OR2L5: variants seen among roughly 807,000 people sequenced by gnomAD.
OR2L5 encodes olfactory receptor 2L5.
For missense variants in OR2L5, 413 were observed against 381.6 expected (o/e 1.08, Z -0.69); for synonymous variants, 169 against 142.0 (o/e 1.19, Z -1.35).
At position 248,023,094 on chromosome 1, in the gene OR2L5, T is replaced by C. The variant is rs1405578179; in HGVS notation, c.*208T>C. 6 of 462,834 alleles carry C rather than the reference T, an allele frequency of 1.3e-5. No individual in the cohort carries two copies. Among genetic ancestry groups the C allele is most frequent in the Non-Finnish European group, 2.3e-5 (6 of 265,188 alleles). The allele number at this position is 462,834 out of a possible 1,614,324, so 28.7% of individuals were successfully genotyped here. ...GTGTTTCTTTTTATCAAAAGACAGA[T>C]CATATATTTTACACTAAATTGTAAG... On this transcript the variant is annotated 3_prime_UTR_variant, in exon 2 of 2. Coordinates refer to ENST00000355281, the MANE Select transcript of OR2L5 (RefSeq NM_001258284.2).
chr1:248,016,854 A>T (rs1199346934), intron 1 of OR2L5, among the ~76,000 whole-genome samples: 1 of 152,146 alleles, frequency 6.6e-6, no homozygotes, highest in African/African-American at 2.4e-5. Flanking sequence ...AAGTTCACTT[A>T]CAACCCCTGA....
chr1:248,021,400 A>G (rs1030308275), intron 1 of OR2L5, among the ~76,000 whole-genome samples: 1 of 152,200 alleles, frequency 6.6e-6, no homozygotes, highest in African/African-American at 2.4e-5. Flanking sequence ...CTATTCTATA[A>G]GTAGTCCCCT....
chr1:248,024,251 T>A lies in OR2L5; in HGVS notation c.*1365T>A, dbSNP rs193264502. ...GTAATGATAGCCATTAAAATCCCAA[T>A]GTAGAAAATTTTATATCTGATTTGA... On this transcript the variant is annotated 3_prime_UTR_variant, in exon 2 of 2. Transcript: ENST00000355281. 1 of 152,244 alleles carries A rather than the reference T, an allele frequency of 6.6e-6. No individual in the cohort carries two copies. The highest frequency in any genetic ancestry group is 1.9e-4 in the East Asian group (1 of 5,184). The allele number at this position is 152,244 out of a possible 1,614,324, so 9.4% of individuals were successfully genotyped here.
chr1:248,023,701 G>A lies in OR2L5; in HGVS notation c.*815G>A, dbSNP rs915145629. On this transcript the variant is annotated 3_prime_UTR_variant, in exon 2 of 2. Transcript: ENST00000355281. ...ACCTGCTTAGGCCTGTGCCTAGAAGGATCAACATTATTTTTATAAAAGTTG... is the reference window on the plus strand; with the variant it reads ...ACCTGCTTAGGCCTGTGCCTAGAAGAATCAACATTATTTTTATAAAAGTTG... 7 of 152,232 alleles carry A rather than the reference G, an allele frequency of 4.6e-5. No homozygotes were observed. In the South Asian group the frequency reaches 1.4e-3, roughly 32 times the overall value. 9.4% of individuals were successfully genotyped at this position (152,232 alleles called of 1,614,324 possible). A position where few individuals can be genotyped will look rare whatever the true frequency, so the allele number is the denominator to read the frequency against.
chr1:248,013,906 A>G (rs1662131802), intron 1 of OR2L5, among the ~76,000 whole-genome samples, 168 bp downstream of exon 1: 1 of 152,178 alleles, frequency 6.6e-6, no homozygotes, highest in African/African-American at 2.4e-5. Context: ...TAGAATACAG[A>G]CAACCAAAAG....
chr1:248,018,173 T>A (rs1243182332), intron 1 of OR2L5, among the ~76,000 whole-genome samples: 1 of 149,768 alleles, frequency 6.7e-6, no homozygotes, highest in African/African-American at 2.5e-5. Flanking sequence ...AAAAAAAAAT[T>A]CGTTATTTTT....
At position 248,022,702 on chromosome 1, in the gene OR2L5, C is replaced by A. The variant is rs751995675; in HGVS notation, c.755C>A (p.Ala252Glu). ...THLTVVTFYYAPFAYTYLCPR... is the reference protein window; with the variant it reads ...THLTVVTFYYEPFAYTYLCPR... ...CTCACTGTAGTAACTTTCTACTATG[C>A]ACCCTTTGCTTATACCTATCTATGT... Residue 252 changes from alanine to glutamate, a missense_variant, in exon 2 of 2, where the codon GCA becomes GAA. By Grantham distance (107) the Ala-to-Glu change is moderately radical (BLOSUM62 -1). Coordinates refer to ENST00000355281, the MANE Select transcript of OR2L5 (RefSeq NM_001258284.2). The A allele has an allele frequency of 6.8e-6, 11 of 1,614,142 alleles. No individual in the cohort carries two copies. Among genetic ancestry groups the A allele is most frequent in the Non-Finnish European group, 8.5e-6 (10 of 1,180,016 alleles).
rs766117581 is a variant in OR2L5 at position 248,023,065 on chromosome 1, G to T, written c.*179G>T. ...ATTCTAAGACATCTATTTTGTTTCT[G>T]TTTGTGTTTCTTTTTATCAAAAGAC... On this transcript the variant is annotated 3_prime_UTR_variant, in exon 2 of 2. Coordinates refer to ENST00000355281, the MANE Select transcript of OR2L5 (RefSeq NM_001258284.2). The T allele has an allele frequency of 5.4e-6, 3 of 556,322 alleles. No individual in the cohort carries two copies. The highest frequency in any genetic ancestry group is 1.9e-5 in the African/African-American group (1 of 52,712). The allele number at this position is 556,322 out of a possible 1,614,324, so 34.5% of individuals were successfully genotyped here. A position where few individuals can be genotyped will look rare whatever the true frequency, so the allele number is the denominator to read the frequency against.
Position 248,021,935 on chromosome 1 carries a change from G to C in OR2L5, c.-13G>C, listed in dbSNP as rs985161462. The C allele has an allele frequency of 5.6e-6, 9 of 1,599,362 alleles. No homozygotes were observed. The highest frequency in any genetic ancestry group is 4.5e-5 in the South Asian group (4 of 89,546). ...CTTGTGTCTCCCTTCAGGAAGGATC[G>C]TATGAATGCCCCATGGAAAATTACA... On this transcript the variant is annotated 5_prime_UTR_variant, in exon 2 of 2. Coordinates refer to ENST00000355281, the MANE Select transcript of OR2L5 (RefSeq NM_001258284.2).
In OR2L5 at chr1:248,022,704, C is replaced by G. The variant is rs1342462660; in HGVS notation, c.757C>G (p.Pro253Ala). ...HLTVVTFYYAPFAYTYLCPRS... is the reference protein window; with the variant it reads ...HLTVVTFYYAAFAYTYLCPRS... The stretch of plus-strand genomic sequence containing the variant: ...CACTGTAGTAACTTTCTACTATGCA[C>G]CCTTTGCTTATACCTATCTATGTCC... The change falls in exon 2 of 2, where the codon CCC becomes GCC. Residue 253 changes from proline to alanine, a missense_variant. Coordinates refer to ENST00000355281, the MANE Select transcript of OR2L5 (RefSeq NM_001258284.2). The G allele has an allele frequency of 6.2e-7, 1 of 1,614,104 alleles. No individual in the cohort carries two copies. Among genetic ancestry groups the G allele is most frequent in the South Asian group, 1.1e-5 (1 of 91,082 alleles).
Position 248,022,449 on chromosome 1 carries a change from T to C in OR2L5, c.502T>C (p.Cys168Arg), listed in dbSNP as rs540097703. 14 of 1,614,216 alleles carry C rather than the reference T, an allele frequency of 8.7e-6. No individual in the cohort carries two copies. The Admixed American group carries it at 1.7e-4, about 19-fold the overall frequency. Reference protein sequence around the residue: ...HTVYAFRIPYCKSRAINHFFC... With the variant: ...HTVYAFRIPYRKSRAINHFFC... ...AGTATATGCATTCCGTATCCCATAT[T>C]GCAAGTCCAGAGCCATCAATCATTT... Residue 168 changes from cysteine to arginine, a missense_variant, in exon 2 of 2, where the codon TGC becomes CGC. Coordinates refer to ENST00000355281, the MANE Select transcript of OR2L5 (RefSeq NM_001258284.2).
intron 1 of OR2L5, among the ~76,000 whole-genome samples, chr1:248,017,721 A>AG (rs1457635623): frequency 1.3e-5 from 2 of 152,226 alleles, no homozygotes; most frequent in African/African-American, 4.8e-5. Flanking sequence ...GCACCATCGC[A>AG]GGCAGAGCTG....
intron 1 of OR2L5, among the ~76,000 whole-genome samples, chr1:248,014,775 A>T (rs1049025653): frequency 1.3e-5 from 2 of 152,090 alleles, no homozygotes; most frequent in African/African-American, 4.8e-5. Context: ...GCTCCTAATA[A>T]CCCATGGATT....
rs1355511361 is a variant in OR2L5, at chr1:248,022,848, A to G, written c.901A>G (p.Thr301Ala). The G allele has an allele frequency of 6.8e-6, 11 of 1,611,950 alleles. No homozygotes were observed. Among genetic ancestry groups the G allele is most frequent in the East Asian group, 2.2e-5 (1 of 44,840 alleles). ...LRNKEVMGAL[T>A]RVIQNIFSVK... ...AAACAAGGAGGTGATGGGGGCCCTGACACGAGTGATTCAGAATATCTTCTC... is the reference window on the plus strand; with the variant it reads ...AAACAAGGAGGTGATGGGGGCCCTGGCACGAGTGATTCAGAATATCTTCTC... The change falls in exon 2 of 2, where the codon ACA (threonine) becomes GCA (alanine). Residue 301 changes from threonine to alanine, a missense_variant. Physicochemically the swap from Thr to Ala is moderately conservative, Grantham distance 58. Coordinates refer to ENST00000355281, the MANE Select transcript of OR2L5 (RefSeq NM_001258284.2).
intron 1 of OR2L5, among the ~76,000 whole-genome samples, chr1:248,015,443 A>C (rs1024292072): frequency 6.6e-6 from 1 of 152,178 alleles, no homozygotes; most frequent in African/African-American, 2.4e-5. Flanking sequence ...TACTATAGAC[A>C]TGCAGATTCA....
chr1:248,018,208 T>G (rs1337142846), intron 1 of OR2L5, among the ~76,000 whole-genome samples: 1 of 152,162 alleles, frequency 6.6e-6, no homozygotes, highest in Non-Finnish European at 1.5e-5. Flanking sequence ...AGGTACTCAG[T>G]TGCAACATGA....
chr1:248,015,053 C>T (rs1662157909), intron 1 of OR2L5, among the ~76,000 whole-genome samples: 1 of 152,152 alleles, frequency 6.6e-6, no homozygotes, highest in Non-Finnish European at 1.5e-5. Flanking sequence ...AGAGCTGATG[C>T]ACTATCGTGG....
rs116690733 is a variant in OR2L5, at chr1:248,022,623, C to G, written c.676C>G (p.Arg226Gly). The change falls in exon 2 of 2, where the codon CGC becomes GGC. Residue 226 changes from arginine to glycine, a missense_variant. Coordinates refer to ENST00000355281, the MANE Select transcript of OR2L5 (RefSeq NM_001258284.2). ...SYGWVLLAVY[R>G]MHSAEGRKKA... ...TGGCTGGGTTCTCCTTGCTGTCTAC[C>G]GCATGCACTCTGCAGAAGGGAGGAA... The G allele has an allele frequency of 6.3e-5, 102 of 1,614,096 alleles. No individual in the cohort carries two copies. In the African/African-American group the frequency reaches 1.1e-3, roughly 17 times the overall value.
At chr1:248,019,033 G>A (rs74153014) in intron 1 of OR2L5, among the ~76,000 whole-genome samples, 4,783 of 151,952 alleles carry the variant, frequency 0.031, 227 homozygotes, top group African/African-American at 0.11. Flanking sequence ...ATTTTTTATT[G>A]ATTTCTCTGT....
Sources: allele counts gnomAD v4.1 joint callset (sites outside exome capture counted in the v4.1 genomes callset), GRCh38; gene constraint gnomAD v4.1.1; transcripts MANE v1.5; gene names NCBI Gene and HGNC (gene_info 2026-07-23, HGNC 2026-07-21).